PRTFDC1: variants seen among roughly 807,000 people sequenced by gnomAD.
PRTFDC1 encodes phosphoribosyltransferase domain-containing protein 1.
PRTFDC1 carries 38 observed loss-of-function variants against 34.6 expected under a neutral mutation model. The observed-to-expected ratio is 1.10, with a 90% CI of 0.85 to 1.44. PRTFDC1 has a LOEUF of 1.44. Ranked by LOEUF, PRTFDC1 falls within the 40% of genes most tolerant of loss-of-function variation. The pLI is 0.00. For missense variants in PRTFDC1, 270 were observed against 283.0 expected (o/e 0.95, Z 0.33); for synonymous variants, 93 against 98.1 (o/e 0.95, Z 0.31).
intron 4 of PRTFDC1, among the ~76,000 whole-genome samples, chr10:24,870,376 G>C (rs1025921763): frequency 6.6e-6 from 1 of 152,128 alleles, no homozygotes; most frequent in African/African-American, 2.4e-5. Context: ...TGAAAGTGCT[G>C]GGATTGCAGG....
intron 3 of PRTFDC1, among the ~76,000 whole-genome samples, chr10:24,879,613 G>T (rs1332253731): frequency 1.3e-5 from 2 of 152,082 alleles, no homozygotes; most frequent in East Asian, 3.9e-4. Context: ...CTCCCAAAGT[G>T]TTGGGATTAC....
intron 3 of PRTFDC1, among the ~76,000 whole-genome samples, chr10:24,920,293 GTGTGTGTATATATATA>G (rs1848766677): frequency 6.6e-6 from 1 of 150,788 alleles, no homozygotes; most frequent in African/African-American, 2.5e-5. Context: ...ATATATGAGT[GTGTGTGTATATATATA>G]TGTGTGTGTA....
Position 24,872,788 on chromosome 10 carries a change from GTATA to G in PRTFDC1, c.340-729_340-726del, listed in dbSNP as rs1555045487. On this transcript the variant is annotated intron_variant, in intron 3 of 8. Coordinates refer to ENST00000320152, the MANE Select transcript of PRTFDC1 (RefSeq NM_020200.7). Reference sequence around the variant, plus strand: ...TGTGTATATATATATGTGTGTGTGTGTATATATATATATATATATTTTTTTTTTT... The same window carrying G: ...TGTGTATATATATATGTGTGTGTGTGTATATATATATATATTTTTTTTTTT... 7.2e-5 allele frequency among the ~76,000 whole-genome samples: 6 copies of G among 83,212 alleles called. No individual in the cohort carries two copies. In the East Asian group the frequency reaches 1.7e-3, roughly 24 times the overall value. The allele number at this position is 83,212 out of a possible 152,430, so 54.6% of individuals were successfully genotyped here.
In PRTFDC1 at chr10:24,849,175, A is replaced by C. The variant is rs1275517225; in HGVS notation, c.*669T>G. 1 of 152,652 alleles carries C rather than the reference A, an allele frequency of 6.6e-6. No individual in the cohort carries two copies. The highest frequency in any genetic ancestry group is 1.5e-5 in the Non-Finnish European group (1 of 68,062). The allele number at this position is 152,652 out of a possible 1,614,324, so 9.5% of individuals were successfully genotyped here. On this transcript the variant is annotated 3_prime_UTR_variant, in exon 9 of 9. Transcript: ENST00000320152. ...TAAACACAGTTGAGTACATCCATGC[A>C]TACATGACATACCGTCATCACATAC...
rs1175869361 is a variant in PRTFDC1 at position 24,952,373 on chromosome 10, C to A, written c.48+155G>T. On this transcript the variant is annotated intron_variant, in intron 1 of 8. Coordinates refer to ENST00000320152, the MANE Select transcript of PRTFDC1 (RefSeq NM_020200.7). This position sits in a 1 kb window ranked among gnomAD's most constrained non-coding sequence, Gnocchi z 5.1. The stretch of plus-strand genomic sequence containing the variant: ...TCAGATTGGGGGCGGGGAGAGGAGG[C>A]CCGGGTCCGAGGATGGAAGCGATCC... 6.6e-6 allele frequency among the ~76,000 whole-genome samples: 1 copy of A among 152,034 alleles called. No individual in the cohort carries two copies. The highest frequency in any genetic ancestry group is 2.4e-5 in the African/African-American group (1 of 41,428).
At chr10:24,881,970 G>T (rs1588588960) in intron 3 of PRTFDC1, among the ~76,000 whole-genome samples, 1 of 152,044 alleles carries the variant, frequency 6.6e-6, no homozygotes, top group African/African-American at 2.4e-5. Context: ...ACTTTGGGAG[G>T]CTGAGTCAGG....
At chr10:24,927,090 A>T (rs948867009) in intron 3 of PRTFDC1, among the ~76,000 whole-genome samples, 9 of 152,192 alleles carry the variant, frequency 5.9e-5, no homozygotes, top group African/African-American at 1.7e-4. Flanking sequence ...TTAAAAAAAA[A>T]TTTCACTTCA....
At chr10:24,923,871 T>C (rs1564314353) in intron 3 of PRTFDC1, among the ~76,000 whole-genome samples, 1 of 152,198 alleles carries the variant, frequency 6.6e-6, no homozygotes, top group Non-Finnish European at 1.5e-5. Flanking sequence ...AAGGAACATG[T>C]TCTAACTCAT....
At chr10:24,921,254 C>A (rs1003183269) in intron 3 of PRTFDC1, among the ~76,000 whole-genome samples, 1 of 152,118 alleles carries the variant, frequency 6.6e-6, no homozygotes, top group African/African-American at 2.4e-5. Flanking sequence ...ATTTTCATTT[C>A]TCAGATCTCT....
intron 1 of PRTFDC1, among the ~76,000 whole-genome samples, chr10:24,944,249 C>A (rs1268665477): frequency 6.6e-6 from 1 of 152,224 alleles, no homozygotes; most frequent in Non-Finnish European, 1.5e-5. Flanking sequence ...GCTCCTGTCC[C>A]TTGGAATTGT....
chr10:24,894,936 A>T (rs1401212506), intron 3 of PRTFDC1, among the ~76,000 whole-genome samples: 1 of 152,094 alleles, frequency 6.6e-6, no homozygotes, highest in South Asian at 2.1e-4. Flanking sequence ...GGGTGGTGAG[A>T]TAGAAGGAAA....
intron 1 of PRTFDC1, chr10:24,951,554 A>G: frequency 1.0e-6 from 1 of 985,252 alleles, no homozygotes; most frequent in Non-Finnish European, 1.2e-6. Flanking sequence ...CACTTACTTT[A>G]GTTCAGGCCA....
At chr10:24,899,865 G>T (rs996497568) in intron 3 of PRTFDC1, among the ~76,000 whole-genome samples, 2 of 152,128 alleles carry the variant, frequency 1.3e-5, no homozygotes, top group African/African-American at 2.4e-5. Context: ...GAACAATAAT[G>T]CTGCTTTTGT....
At chr10:24,923,474 G>C (rs191889970) in intron 3 of PRTFDC1, among the ~76,000 whole-genome samples, 1 of 152,330 alleles carries the variant, frequency 6.6e-6, no homozygotes, top group East Asian at 1.9e-4. Context: ...AGCAATATTT[G>C]CTGTTCTGCA....
intron 3 of PRTFDC1, among the ~76,000 whole-genome samples, chr10:24,892,407 AT>A (rs59897617): frequency 2.7e-4 from 40 of 148,808 alleles, no homozygotes; most frequent in African/African-American, 8.4e-4. Flanking sequence ...AGCATTTGTG[AT>A]TTTTTTTTTG....
intron 1 of PRTFDC1, among the ~76,000 whole-genome samples, chr10:24,948,924 T>C (rs1400374331): frequency 1.3e-5 from 2 of 152,190 alleles, no homozygotes; most frequent in African/African-American, 2.4e-5. Context: ...CTATGTAGTA[T>C]AGTGATTGAA....
intron 7 of PRTFDC1, among the ~76,000 whole-genome samples, chr10:24,854,681 G>C (rs750188138): frequency 7.2e-5 from 11 of 152,164 alleles, no homozygotes; most frequent in Non-Finnish European, 1.5e-4. Context: ...GAGTGTCCTA[G>C]ATGAGGAAGC....
intron 3 of PRTFDC1, among the ~76,000 whole-genome samples, chr10:24,882,313 G>T (rs1423282649): frequency 6.6e-6 from 1 of 151,934 alleles, no homozygotes; most frequent in African/African-American, 2.4e-5. Context: ...GTGCCCCAAT[G>T]ACAGTATGCA....
In PRTFDC1 at chr10:24,952,510, T is replaced by C. The variant is rs777134003; in HGVS notation, c.48+18A>G. The C allele has an allele frequency of 1.1e-5, 17 of 1,580,436 alleles. No homozygotes were observed. The East Asian group carries it at 1.8e-4, about 17-fold the overall frequency. On this transcript the variant is annotated intron_variant, in intron 1 of 8. Transcript: ENST00000320152. This position sits in a 1 kb window ranked among gnomAD's most constrained non-coding sequence, Gnocchi z 5.1. ...GAGGGGAGCGGGCCGAGCCCCAAAA[T>C]AGGGAGTTTGCATTTACCACGACGC...
Sources: allele counts gnomAD v4.1 joint callset (sites outside exome capture counted in the v4.1 genomes callset), GRCh38; gene constraint gnomAD v4.1.1; non-coding constraint Gnocchi (gnomAD v3.1); transcripts MANE v1.5; gene names NCBI Gene and HGNC (gene_info 2026-07-23, HGNC 2026-07-21).